The following ITCH variants were observed in gnomAD, a reference collection of about 807,000 sequenced individuals.
The protein encoded by ITCH is itchy E3 ubiquitin protein ligase.
In ITCH, 28 loss-of-function variants were observed where a neutral mutation model predicts 126.8. The observed-to-expected ratio is 0.22, with a 90% CI of 0.16 to 0.30. The LOEUF is 0.30. Among genes scored for constraint, ITCH ranks in the 10% least tolerant of loss-of-function variants. The probability of loss-of-function intolerance (pLI) is 1.00; values close to 1 mark genes in which losing one functional copy is unlikely to be tolerated. For missense variants in ITCH, 631 were observed against 1,032.4 expected (o/e 0.61, Z 5.33); for synonymous variants, 342 against 340.0 (o/e 1.01, Z -0.06).
chr20:34,460,098 TA>T (rs1986371351), intron 13 of ITCH, among the ~76,000 whole-genome samples: 1 of 152,222 alleles, frequency 6.6e-6, no homozygotes. Context: ...ATCTTGCAAG[TA>T]TAACAATTGA....
intron 1 of ITCH, 146 bp from the exon 2 acceptor site, chr20:34,369,248 G>A (rs888776261): frequency 1.9e-5 from 7 of 363,362 alleles, no homozygotes; most frequent in Admixed American, 4.7e-5. Flanking sequence ...CAGAAGAATC[G>A]CTTGAACCCA....
rs191199051 is a variant in ITCH at position 34,412,043 on chromosome 20, C to G, written c.213-472C>G. 2.3e-4 allele frequency among the ~76,000 whole-genome samples: 35 copies of G among 152,296 alleles called. 1 individual carries two copies. The highest frequency in any genetic ancestry group is 8.2e-4 in the African/African-American group (34 of 41,574). On this transcript the variant is annotated intron_variant, in intron 4 of 24. Coordinates refer to ENST00000374864, the MANE Select transcript of ITCH (RefSeq NM_031483.7). ...TTTTATTCACATTACAGTTCTGCTA[C>G]TTACTGGCTATTTGACCTTAGGCAA...
Position 34,462,219 on chromosome 20 carries a change from C to T in ITCH, c.1422C>T (p.Ala474=), listed in dbSNP as rs1181470349. The T allele has an allele frequency of 6.2e-7, 1 of 1,613,358 alleles. No homozygotes were observed. Among genetic ancestry groups the T allele is most frequent in the African/African-American group, 1.3e-5 (1 of 74,760 alleles). Residue 474 remains alanine, a splice_region_variant and synonymous_variant, in exon 14 of 25, where the codon GCC becomes GCT. Transcript: ENST00000374864. ...TYIDPRTGKS[A]LDNGPQIAYV... is the part of the protein sequence containing the mutation. ...TAGATCCCCGCACAGGAAAATCTGC[C>T]CTGTAAGTTTTCTAAACATTGTAGA...
intron 16 of ITCH, among the ~76,000 whole-genome samples, chr20:34,475,685 GAGAGGC>G (rs1301066685): frequency 9.1e-4 from 137 of 150,792 alleles, no homozygotes; most frequent in African/African-American, 2.8e-3. Context: ...AGGGAGACGG[GAGAGGC>G]AGAGGCAGGG....
chr20:34,446,144 A>G (rs1413813993), intron 11 of ITCH, among the ~76,000 whole-genome samples: 1 of 152,192 alleles, frequency 6.6e-6, no homozygotes, highest in Admixed American at 6.5e-5. Context: ...ATACAGTATC[A>G]TTGATCTTTT....
chr20:34,451,929 G>C (rs939879829), intron 12 of ITCH, among the ~76,000 whole-genome samples: 2 of 151,796 alleles, frequency 1.3e-5, no homozygotes, highest in African/African-American at 2.4e-5. Flanking sequence ...AATAATCTGG[G>C]TGTGGTGGAA....
intron 8 of ITCH, 39 bp downstream of exon 8, chr20:34,438,670 C>T: frequency 3.1e-6 from 5 of 1,608,198 alleles, no homozygotes; most frequent in Non-Finnish European, 2.6e-6. Flanking sequence ...GAAATAATGT[C>T]CTGGTTGGCA....
In ITCH at chr20:34,507,529, A is replaced by G. The variant is rs1038910708; in HGVS notation, c.2490-166A>G. ...GTCCTTTATCAGATATATGATTTAC[A>G]AATATTTTTTCCCATTTTTGGGTTA... On this transcript the variant is annotated intron_variant, in intron 24 of 24. Coordinates refer to ENST00000374864, the MANE Select transcript of ITCH (RefSeq NM_031483.7). Among the ~76,000 whole-genome samples, 18 of 152,058 alleles carry G rather than the reference A, an allele frequency of 1.2e-4. No individual in the cohort carries two copies. In the East Asian group the frequency reaches 3.5e-3, roughly 29 times the overall value.
intron 6 of ITCH, among the ~76,000 whole-genome samples, chr20:34,422,489 C>T (rs926922731): frequency 6.6e-6 from 1 of 152,070 alleles, no homozygotes; most frequent in Non-Finnish European, 1.5e-5. Flanking sequence ...ATTCATAAGC[C>T]ATTTTAGGGG....
chr20:34,370,715 G>A (rs2122974888), intron 2 of ITCH, among the ~76,000 whole-genome samples: 1 of 151,120 alleles, frequency 6.6e-6, no homozygotes, highest in East Asian at 2.0e-4. Context: ...GGTGAGAGAA[G>A]TTGAGAGTAG....
intron 12 of ITCH, 141 bp downstream of exon 12, chr20:34,449,621 A>G (rs1027622190): frequency 4.1e-5 from 26 of 641,806 alleles, no homozygotes; most frequent in Non-Finnish European, 6.6e-5. Context: ...TTTAATATAT[A>G]TATCAGTTTA....
At chr20:34,468,431 G>C (rs1031118097) in intron 14 of ITCH, among the ~76,000 whole-genome samples, 2 of 151,938 alleles carry the variant, frequency 1.3e-5, no homozygotes, top group African/African-American at 4.8e-5. Context: ...GTAAGACAAG[G>C]ATATCTACTG....
chr20:34,455,288 GATCTTTAATAC>G (rs902561275), intron 12 of ITCH, among the ~76,000 whole-genome samples: 1 of 152,076 alleles, frequency 6.6e-6, no homozygotes, highest in African/African-American at 2.4e-5. Context: ...TTCATTCTAT[GATCTTTAATAC>G]ATCAGTTATT....
chr20:34,429,831 A>G (rs11907784), intron 7 of ITCH, among the ~76,000 whole-genome samples: 99 of 152,232 alleles, frequency 6.5e-4, no homozygotes, highest in African/African-American at 2.3e-3. Context: ...GTGTAAAGTA[A>G]AATGTATAAA....
chr20:34,465,289 A>C (rs1172909389), intron 14 of ITCH, among the ~76,000 whole-genome samples: 1 of 150,582 alleles, frequency 6.6e-6, no homozygotes. Flanking sequence ...GCTTTGTAGC[A>C]AGTTTTCAAA....
intron 2 of ITCH, among the ~76,000 whole-genome samples, chr20:34,372,689 C>G (rs998962790): frequency 3.3e-5 from 5 of 151,858 alleles, no homozygotes; most frequent in Non-Finnish European, 5.9e-5. Flanking sequence ...CTTTTAAGTT[C>G]TACTTTAAAC....
chr20:34,412,406 G>A, intron 4 of ITCH, 109 bp from the exon 5 acceptor site: 1 of 780,446 alleles, frequency 1.3e-6, no homozygotes, highest in Non-Finnish European at 2.2e-6. Flanking sequence ...TAAACTGTAA[G>A]GGGTGCAGTG....
At chr20:34,431,393 A>G (rs1163211383) in intron 7 of ITCH, among the ~76,000 whole-genome samples, 1 of 152,154 alleles carries the variant, frequency 6.6e-6, no homozygotes, top group East Asian at 1.9e-4. Context: ...AGCTTGAGTG[A>G]CAGAGCAAGA....
At chr20:34,449,115 A>G (rs1984842259) in intron 11 of ITCH, among the ~76,000 whole-genome samples, 1 of 152,118 alleles carries the variant, frequency 6.6e-6, no homozygotes, top group Admixed American at 6.6e-5. Flanking sequence ...TAATTTTTAT[A>G]TTATTGATGT....
Sources: gnomAD v4.1 joint callset for allele counts (sites outside exome capture counted in the v4.1 genomes callset) on GRCh38, gnomAD v4.1.1 for gene constraint, MANE v1.5 for transcripts, NCBI Gene and HGNC (gene_info 2026-07-23, HGNC 2026-07-21) for gene names.